The following MALRD1 variants were observed in gnomAD, a reference collection of about 807,000 sequenced individuals.
MALRD1 encodes MAM and LDL-receptor class A domain-containing protein 1.
A neutral mutation model predicts 242.1 loss-of-function variants in MALRD1; 247 were observed. That is an observed-to-expected ratio of 1.02 (90% confidence interval 0.92 to 1.13). MALRD1 has a LOEUF of 1.13. Among genes scored for constraint, MALRD1 ranks in the 50% most tolerant of loss-of-function variants. The probability of loss-of-function intolerance (pLI) is 0.00; values close to 1 mark genes in which losing one functional copy is unlikely to be tolerated. For synonymous variants in MALRD1, 995 were observed against 866.6 expected, an observed-to-expected ratio of 1.15 and a Z score of -2.60; for missense variants, 2,989 against 2,533.1, an observed-to-expected ratio of 1.18 and a Z score of -3.86.
chr10:19,059,141 G>C (rs1204910332), intron 1 of MALRD1, among the ~76,000 whole-genome samples: 2 of 152,102 alleles, frequency 1.3e-5, no homozygotes, highest in Non-Finnish European at 2.9e-5. Context: ...GGATAATGTG[G>C]ACATTTGTGC....
rs144821003 is a variant in MALRD1, at chr10:19,403,543, G to A, written c.4845+13934G>A. Among the ~76,000 whole-genome samples, 508 of 152,186 alleles carry A rather than the reference G, an allele frequency of 3.3e-3. 4 individuals are homozygous for A. Among genetic ancestry groups the A allele is most frequent in the African/African-American group, 0.012 (490 of 41,546 alleles). On this transcript the variant is annotated intron_variant, in intron 28 of 39. Transcript: ENST00000454679. ...TAGTTTTTCAGACTTATGAGCTGAG[G>A]GATCATTATTCTGAGTGCTAGCAAT... is the stretch of plus-strand genomic sequence containing the variant.
rs1310125759 is a variant in MALRD1, at chr10:19,295,386, C to CATATATAA, written c.3419+12206_3419+12207insTATATAAA. ...TAATTTGACAAGTTAAAATAGTATCCAATTGTATATATATTTTTATGTCTT... is the reference window on the plus strand; with the variant it reads ...TAATTTGACAAGTTAAAATAGTATCCATATATAAAATTGTATATATATTTTTATGTCTT... On this transcript the variant is annotated intron_variant, in intron 21 of 39. Coordinates refer to ENST00000454679, the MANE Select transcript of MALRD1 (RefSeq NM_001142308.3). Among the ~76,000 whole-genome samples the CATATATAA allele has an allele frequency of 2.6e-5, 4 of 151,526 alleles. No individual in the cohort carries two copies. The East Asian group carries it at 7.8e-4, about 30-fold the overall frequency.
intron 28 of MALRD1, among the ~76,000 whole-genome samples, chr10:19,397,566 A>G (rs890204299): frequency 1.3e-5 from 2 of 152,204 alleles, no homozygotes; most frequent in Middle Eastern, 3.4e-3. Flanking sequence ...AGATATCTCA[A>G]CCTATTGATT....
intron 36 of MALRD1, among the ~76,000 whole-genome samples, chr10:19,637,750 C>T (rs1023256333): frequency 6.6e-6 from 1 of 152,052 alleles, no homozygotes; most frequent in African/African-American, 2.4e-5. Flanking sequence ...AGTTTGAGAT[C>T]ACTTCCTTGA....
At chr10:19,073,552 T>G (rs2131262100) in intron 2 of MALRD1, among the ~76,000 whole-genome samples, 1 of 152,256 alleles carries the variant, frequency 6.6e-6, no homozygotes. Flanking sequence ...AGAGACTTTG[T>G]TTTATGCACA....
chr10:19,307,002 T>C (rs1293844623), intron 21 of MALRD1, among the ~76,000 whole-genome samples: 1 of 151,366 alleles, frequency 6.6e-6, no homozygotes, highest in Non-Finnish European at 1.5e-5. Context: ...AGCCAAAACA[T>C]ATCAGAAGGA....
intron 14 of MALRD1, among the ~76,000 whole-genome samples, chr10:19,184,870 C>A (rs1348483278): frequency 6.6e-6 from 1 of 152,134 alleles, no homozygotes; most frequent in Non-Finnish European, 1.5e-5. Flanking sequence ...TAATGACATT[C>A]AACACATTTT....
At chr10:19,676,389 C>T (rs7900557) in intron 36 of MALRD1, among the ~76,000 whole-genome samples, 11 of 152,112 alleles carry the variant, frequency 7.2e-5, no homozygotes, top group Admixed American at 5.2e-4. Flanking sequence ...GATATTTAGG[C>T]GAAATTGATG....
At chr10:19,318,757 A>G (rs961529611) in intron 21 of MALRD1, among the ~76,000 whole-genome samples, 3 of 151,668 alleles carry the variant, frequency 2.0e-5, no homozygotes, top group Non-Finnish European at 2.9e-5. Context: ...TTTCTGTCAT[A>G]CCCTTATATT....
At chr10:19,251,714 G>C (rs1219739883) in intron 18 of MALRD1, among the ~76,000 whole-genome samples, 1 of 151,982 alleles carries the variant, frequency 6.6e-6, no homozygotes, top group Non-Finnish European at 1.5e-5. Context: ...CATGGGACAT[G>C]AATTGAAAGA....
At chr10:19,579,095 G>A (rs184574124) in intron 33 of MALRD1, among the ~76,000 whole-genome samples, 148 of 152,220 alleles carry the variant, frequency 9.7e-4, no homozygotes, top group African/African-American at 3.0e-3. Context: ...TTCCTCAAAA[G>A]TTACTCTTCC....
intron 1 of MALRD1, among the ~76,000 whole-genome samples, chr10:19,049,996 G>T (rs1222391746): frequency 1.3e-5 from 2 of 151,766 alleles, no homozygotes; most frequent in African/African-American, 4.8e-5. Flanking sequence ...GGGGCTCATT[G>T]AGAGTTCATA....
At chr10:19,162,725 T>G (rs1294237479) in intron 12 of MALRD1, among the ~76,000 whole-genome samples, 1 of 150,870 alleles carries the variant, frequency 6.6e-6, no homozygotes, top group Non-Finnish European at 1.5e-5. Context: ...GAGTGTAGAT[T>G]AGTTCAACCA....
At chr10:19,429,312 G>GT (rs111686802) in intron 28 of MALRD1, among the ~76,000 whole-genome samples, 9,062 of 152,224 alleles carry the variant, frequency 0.06, 867 homozygotes, top group African/African-American at 0.2. Flanking sequence ...GCTCACACCT[G>GT]TAATCCCAGC....
chr10:19,142,171 C>CAAAAAAAA (rs529000033), intron 10 of MALRD1, among the ~76,000 whole-genome samples: 21 of 26,272 alleles, frequency 8.0e-4, no homozygotes, highest in African/African-American at 3.2e-3. Flanking sequence ...GACTCTAACT[C>CAAAAAAAA]AAAAAAAAAA....
intron 5 of MALRD1, among the ~76,000 whole-genome samples, chr10:19,111,706 C>T (rs1472916486): frequency 6.6e-6 from 1 of 152,188 alleles, no homozygotes; most frequent in African/African-American, 2.4e-5. Context: ...CCTGGGAATG[C>T]TGCAAAGGAA....
At chr10:19,063,690 T>C (rs576994995) in intron 1 of MALRD1, among the ~76,000 whole-genome samples, 3 of 151,474 alleles carry the variant, frequency 2.0e-5, no homozygotes, top group Non-Finnish European at 4.4e-5. Flanking sequence ...CTATCATTGT[T>C]GGACATTTGG....
At chr10:19,236,396 A>C (rs1838318770) in intron 18 of MALRD1, among the ~76,000 whole-genome samples, 2 of 152,180 alleles carry the variant, frequency 1.3e-5, no homozygotes, top group Admixed American at 1.3e-4. Flanking sequence ...CCCATGGGGC[A>C]ACCTGTGACC....
intron 28 of MALRD1, among the ~76,000 whole-genome samples, chr10:19,389,888 C>T (rs1014756950): frequency 1.3e-5 from 2 of 152,080 alleles, no homozygotes; most frequent in Non-Finnish European, 2.9e-5. Flanking sequence ...TCTCAAATTC[C>T]TGGGCTCAAG....
Sources: gnomAD v4.1 joint callset for allele counts (sites outside exome capture counted in the v4.1 genomes callset) on GRCh38, gnomAD v4.1.1 for gene constraint, MANE v1.5 for transcripts, NCBI Gene and HGNC (gene_info 2026-07-23, HGNC 2026-07-21) for gene names.